HS6ST3: variants seen among roughly 807,000 people sequenced by gnomAD.
HS6ST3 encodes heparan sulfate 6-O-sulfotransferase 3.
Under a neutral mutation model 36.7 loss-of-function variants are expected in HS6ST3, and 12 were observed. The observed-to-expected ratio is 0.33, with a 90% confidence interval of 0.21 to 0.53. The LOEUF (loss-of-function observed/expected upper bound fraction) is 0.53. HS6ST3 is among the 20% of genes least tolerant of loss of function. The pLI is 0.95. For missense variants in HS6ST3, 584 were observed against 640.9 expected, an observed-to-expected ratio of 0.91 and a Z score of 0.96; for synonymous variants, 240 against 257.5, an observed-to-expected ratio of 0.93 and a Z score of 0.65.
chr13:96,548,002 G>T (rs1381326546), intron 1 of HS6ST3, among the ~76,000 whole-genome samples: 5 of 152,114 alleles, frequency 3.3e-5, no homozygotes, highest in Admixed American at 3.3e-4. Context: ...AAGTGCAGAA[G>T]TTGCAAGAGT....
At chr13:96,424,174 A>C (rs903653512) in intron 1 of HS6ST3, among the ~76,000 whole-genome samples, 1 of 152,194 alleles carries the variant, frequency 6.6e-6, no homozygotes, top group African/African-American at 2.4e-5. Flanking sequence ...TCACCAAACA[A>C]ACGAATTCCA....
intron 1 of HS6ST3, among the ~76,000 whole-genome samples, chr13:96,814,637 A>T (rs1878383198): frequency 6.6e-6 from 1 of 151,980 alleles, no homozygotes; most frequent in Admixed American, 6.6e-5. Context: ...GATTTTTTTC[A>T]AGATGGATAT....
chr13:96,191,733 A>C (rs905426856), intron 1 of HS6ST3, among the ~76,000 whole-genome samples: 5 of 152,172 alleles, frequency 3.3e-5, no homozygotes, highest in African/African-American at 1.2e-4. Context: ...GATGTTTAAA[A>C]ATTTTTGTCA....
In HS6ST3 at chr13:96,322,709, A is replaced by G. The variant is rs543845176; in HGVS notation, c.707+231140A>G. On this transcript the variant is annotated intron_variant, in intron 1 of 1. Coordinates refer to ENST00000376705, the MANE Select transcript of HS6ST3 (RefSeq NM_153456.4). ...TAACCACTTTACAGCGAAACTCTAA[A>G]AAGAATCTACTGTCTCCGTTCTACA... Among the ~76,000 whole-genome samples, 15 of 152,336 alleles carry G rather than the reference A, an allele frequency of 9.8e-5. No homozygotes were observed. In the South Asian group the frequency reaches 3.1e-3, roughly 32 times the overall value.
chr13:96,485,868 CT>C (rs200044989), intron 1 of HS6ST3, among the ~76,000 whole-genome samples: 2,363 of 151,996 alleles, frequency 0.016, 69 homozygotes, highest in African/African-American at 0.053. Flanking sequence ...ATATCAATTT[CT>C]TTTTTTTATT....
intron 1 of HS6ST3, among the ~76,000 whole-genome samples, chr13:96,473,710 C>T (rs569019463): frequency 4.6e-5 from 7 of 152,222 alleles, no homozygotes; most frequent in African/African-American, 1.7e-4. Flanking sequence ...AAATGAGATG[C>T]CTTTGGAATA....
intron 1 of HS6ST3, among the ~76,000 whole-genome samples, chr13:96,319,006 A>G (rs575034491): frequency 5.3e-5 from 8 of 152,312 alleles, no homozygotes; most frequent in Non-Finnish European, 1.2e-4. Flanking sequence ...GTACAACTCA[A>G]TGGTTTTTAG....
At chr13:96,410,987 T>C (rs775169678) in intron 1 of HS6ST3, among the ~76,000 whole-genome samples, 1 of 152,184 alleles carries the variant, frequency 6.6e-6, no homozygotes, top group Non-Finnish European at 1.5e-5. Context: ...GGAATGAGGA[T>C]GGTAAATTTC....
At chr13:96,744,945 T>C (rs890139266) in intron 1 of HS6ST3, among the ~76,000 whole-genome samples, 2 of 152,134 alleles carry the variant, frequency 1.3e-5, no homozygotes, top group Non-Finnish European at 2.9e-5. Flanking sequence ...GATTGCTTTC[T>C]ACTTTTTGTC....
chr13:96,299,230 C>T (rs1351267188), intron 1 of HS6ST3, among the ~76,000 whole-genome samples: 1 of 152,148 alleles, frequency 6.6e-6, no homozygotes, highest in Admixed American at 6.6e-5. Flanking sequence ...AATATGGTGA[C>T]ACAATGTAAG....
intron 1 of HS6ST3, among the ~76,000 whole-genome samples, chr13:96,828,880 T>C (rs1017590645): frequency 6.6e-6 from 1 of 152,188 alleles, no homozygotes; most frequent in African/African-American, 2.4e-5. Flanking sequence ...TTCTAAATGG[T>C]ATAGGAAGTG....
chr13:96,280,631 T>A (rs2139393544), intron 1 of HS6ST3, among the ~76,000 whole-genome samples: 1 of 152,332 alleles, frequency 6.6e-6, no homozygotes, highest in East Asian at 1.9e-4. Flanking sequence ...TATGTTTTTG[T>A]CCCTCTTGAG....
chr13:96,156,929 G>T (rs890837548), intron 1 of HS6ST3, among the ~76,000 whole-genome samples: 1 of 152,158 alleles, frequency 6.6e-6, no homozygotes, highest in Admixed American at 6.5e-5. Context: ...ATGTCAGTGA[G>T]CCAAGGGAGC....
chr13:96,092,481 A>G (rs761354306), intron 1 of HS6ST3, among the ~76,000 whole-genome samples: 3 of 152,254 alleles, frequency 2.0e-5, no homozygotes, highest in Non-Finnish European at 2.9e-5. Context: ...CATGGGCTTA[A>G]TAATTTGGTT....
chr13:96,101,347 A>G (rs1337560699), intron 1 of HS6ST3, among the ~76,000 whole-genome samples: 3 of 152,132 alleles, frequency 2.0e-5, no homozygotes, highest in Non-Finnish European at 4.4e-5. Context: ...CTCTGAAGGT[A>G]ATAGGTGAGG....
intron 1 of HS6ST3, among the ~76,000 whole-genome samples, chr13:96,819,806 C>T (rs772318455): frequency 6.6e-6 from 1 of 152,268 alleles, no homozygotes; most frequent in East Asian, 1.9e-4. Context: ...GTAACCCCAG[C>T]ACTTTGGGAG....
intron 1 of HS6ST3, among the ~76,000 whole-genome samples, chr13:96,609,675 T>G (rs2056450701): frequency 6.6e-6 from 1 of 152,188 alleles, no homozygotes; most frequent in Non-Finnish European, 1.5e-5. Context: ...TCAGCTAGAG[T>G]TATGTATCTG....
intron 1 of HS6ST3, among the ~76,000 whole-genome samples, chr13:96,241,553 A>G (rs2054560020): frequency 6.6e-6 from 1 of 151,822 alleles, no homozygotes; most frequent in Admixed American, 6.6e-5. Context: ...TTTAATGAGA[A>G]CTCAATGCAG....
intron 1 of HS6ST3, among the ~76,000 whole-genome samples, chr13:96,262,447 G>A (rs1392465790): frequency 6.6e-6 from 1 of 152,030 alleles, no homozygotes; most frequent in Admixed American, 6.6e-5. Context: ...TGTCTTTTTG[G>A]GGAAAAATCA....
Sources: allele counts gnomAD v4.1 joint callset (sites outside exome capture counted in the v4.1 genomes callset), GRCh38; gene constraint gnomAD v4.1.1; transcripts MANE v1.5; gene names NCBI Gene and HGNC (gene_info 2026-07-23, HGNC 2026-07-21).